The following KIAA0513 variants were observed in gnomAD, a reference collection of about 807,000 sequenced individuals.
KIAA0513 encodes the protein KIAA0513.
KIAA0513 carries 39 observed loss-of-function variants against 56.5 expected under a neutral mutation model. The observed-to-expected ratio is 0.69, with a 90% CI of 0.53 to 0.90. KIAA0513 has a LOEUF of 0.90. KIAA0513 is among the 40% of genes least tolerant of loss of function. KIAA0513 has a pLI of 0.00. For synonymous variants in KIAA0513, 268 were observed against 215.6 expected, an observed-to-expected ratio of 1.24 and a Z score of -2.13; for missense variants, 591 against 535.2, an observed-to-expected ratio of 1.10 and a Z score of -1.03.
Position 85,076,425 on chromosome 16 carries a change from C to G in KIAA0513, c.574+511C>G, listed in dbSNP as rs3794680. ...CTAGGACATCTCTTCCGCCTCATTG[C>G]GTTGGCACTTTCTCGTATGTTGGAG... On this transcript the variant is annotated intron_variant, in intron 5 of 12. Coordinates refer to ENST00000683363, the MANE Select transcript of KIAA0513 (RefSeq NM_001388359.1). The surrounding 1 kb of genome is among the most constrained non-coding windows in gnomAD (Gnocchi z 4.7). Among the ~76,000 whole-genome samples the G allele has an allele frequency of 0.065, 9,888 of 152,118 alleles. 495 individuals are homozygous for G. Among genetic ancestry groups the G allele is most frequent in the East Asian group, 0.23 (1,204 of 5,148 alleles).
rs118000206 is a variant in KIAA0513 at position 85,036,467 on chromosome 16, T to A, written c.-173+8609T>A. On this transcript the variant is annotated intron_variant, in intron 1 of 12. Coordinates refer to ENST00000683363, the MANE Select transcript of KIAA0513 (RefSeq NM_001388359.1). ...GTAACTAGATTCATTTTTAGTTCAT[T>A]GCTATTGTAGCACGTGTCCATCCTT... 5.4e-4 allele frequency among the ~76,000 whole-genome samples: 83 copies of A among 152,320 alleles called. 2 individuals carry two copies. The East Asian group carries it at 0.014, about 26-fold the overall frequency.
At chr16:85,063,204 G>A (rs1038333942) in intron 1 of KIAA0513, 2 of 152,230 alleles carry the variant, frequency 1.3e-5, no homozygotes, top group African/African-American at 4.8e-5. Context: ...GAGAGCATCT[G>A]AACGGCCCAA....
Position 85,066,935 on chromosome 16 carries a change from C to G in KIAA0513, c.-137C>G, listed in dbSNP as rs367586528. ...GCCAGGTGAGCTGCTGTGAAGGACT[C>G]ATTCTTGGTAGCCGGCAGTTACTGG... On this transcript the variant is annotated 5_prime_UTR_variant, in exon 2 of 13. Coordinates refer to ENST00000683363, the MANE Select transcript of KIAA0513 (RefSeq NM_001388359.1). 1.5e-6 allele frequency: 1 copy of G among 649,626 alleles called. No homozygotes were observed. The highest frequency in any genetic ancestry group is 3.1e-5 in the Admixed American group (1 of 32,600). The allele number at this position is 649,626 out of a possible 1,614,324, so 40.2% of individuals were successfully genotyped here.
In KIAA0513 at chr16:85,094,003, A is replaced by T. The variant is rs894954216; in HGVS notation, c.*5678A>T. On this transcript the variant is annotated 3_prime_UTR_variant, in exon 13 of 13. Coordinates refer to ENST00000683363, the MANE Select transcript of KIAA0513 (RefSeq NM_001388359.1). ...GACATTACCTTGTTGGTAGCCCCCA[A>T]GTGGCGTGCAGTGACACCAGTATCT... The T allele has an allele frequency of 6.6e-6, 1 of 152,158 alleles. No homozygotes were observed. The highest frequency in any genetic ancestry group is 1.5e-5 in the Non-Finnish European group (1 of 68,032). The allele number at this position is 152,158 out of a possible 1,614,324, so 9.4% of individuals were successfully genotyped here.
rs1346932850 is a variant in KIAA0513 at position 85,090,566 on chromosome 16, G to C, written c.*2241G>C. 6.6e-6 allele frequency: 1 copy of C among 152,166 alleles called. No homozygotes were observed. Among genetic ancestry groups the C allele is most frequent in the African/African-American group, 2.4e-5 (1 of 41,428 alleles). The allele number at this position is 152,166 out of a possible 1,614,324, so 9.4% of individuals were successfully genotyped here. ...GTCTTGACACTTTTTTCTCCACATAGACTCTTGAAATAGCCATTTCAGGGG... is the reference window on the plus strand; with the variant it reads ...GTCTTGACACTTTTTTCTCCACATACACTCTTGAAATAGCCATTTCAGGGG... On this transcript the variant is annotated 3_prime_UTR_variant, in exon 13 of 13. Transcript: ENST00000683363.
intron 5 of KIAA0513, 32 bp downstream of exon 5, chr16:85,075,946 C>G: frequency 2.0e-6 from 3 of 1,522,834 alleles, no homozygotes; most frequent in Non-Finnish European, 2.7e-6. Context: ...GTGGGGCTCA[C>G]CTGAGGCTAG....
intron 10 of KIAA0513, among the ~76,000 whole-genome samples, chr16:85,085,258 T>A (rs1334523501): frequency 1.3e-5 from 2 of 152,246 alleles, no homozygotes; most frequent in Non-Finnish European, 2.9e-5. Context: ...CATCCTGCCA[T>A]CGGCACGAGG....
chr16:85,061,876 C>T (rs574997301), intron 1 of KIAA0513, among the ~76,000 whole-genome samples: 2 of 152,256 alleles, frequency 1.3e-5, no homozygotes, highest in East Asian at 3.9e-4. Context: ...GAATACAGAC[C>T]GCTGTGGCCT....
chr16:85,037,259 A>C (rs2073047700), intron 1 of KIAA0513, among the ~76,000 whole-genome samples: 1 of 152,114 alleles, frequency 6.6e-6, no homozygotes, highest in South Asian at 2.1e-4. Context: ...AAAGTGACCA[A>C]TGAGCTAGGG....
chr16:85,075,784 G>A (rs2073647384), intron 4 of KIAA0513, 60 bp from the exon 5 acceptor site: 21 of 1,488,730 alleles, frequency 1.4e-5, no homozygotes, highest in South Asian at 1.2e-4. Flanking sequence ...ATGTCTGACC[G>A]ACTTGCAGGA....
intron 7 of KIAA0513, 149 bp downstream of exon 7, chr16:85,078,604 G>A (rs768568932): frequency 8.8e-5 from 66 of 747,240 alleles, no homozygotes; most frequent in Middle Eastern, 3.6e-4. Context: ...CCCAGCTCCC[G>A]TGGTTGTATT....
At chr16:85,039,491 A>G (rs2073077806) in intron 1 of KIAA0513, among the ~76,000 whole-genome samples, 2 of 151,904 alleles carry the variant, frequency 1.3e-5, no homozygotes, top group Non-Finnish European at 2.9e-5. Flanking sequence ...TTTTGTAGAG[A>G]TGGGGTTTTG....
intron 10 of KIAA0513, among the ~76,000 whole-genome samples, chr16:85,085,759 C>T (rs1259276212): frequency 6.6e-6 from 1 of 152,224 alleles, no homozygotes; most frequent in Non-Finnish European, 1.5e-5. Flanking sequence ...GTCTAAAGCA[C>T]GCAGCAGGTG....
intron 1 of KIAA0513, among the ~76,000 whole-genome samples, chr16:85,060,779 G>A (rs1277269606): frequency 3.3e-5 from 5 of 151,814 alleles, no homozygotes; most frequent in South Asian, 2.1e-4. Flanking sequence ...AGGAGGTCAA[G>A]GCTGCAGTGA....
chr16:85,048,180 G>A (rs1389428190), intron 1 of KIAA0513, among the ~76,000 whole-genome samples: 4 of 152,184 alleles, frequency 2.6e-5, no homozygotes, highest in South Asian at 2.1e-4. Context: ...TGGGCCTCTG[G>A]AGCCCATCCC....
chr16:85,033,840 G>A (rs900769670), intron 1 of KIAA0513, among the ~76,000 whole-genome samples: 16 of 152,138 alleles, frequency 1.1e-4, no homozygotes, highest in African/African-American at 3.6e-4. Flanking sequence ...AAATTCAAAT[G>A]ATACAGAAAG....
chr16:85,051,450 G>C (rs1459889294), intron 1 of KIAA0513, among the ~76,000 whole-genome samples: 1 of 152,124 alleles, frequency 6.6e-6, no homozygotes, highest in Non-Finnish European at 1.5e-5. Flanking sequence ...AGGTTCAATG[G>C]CCTCTCCCTG....
chr16:85,072,444 A>G (rs2073591461), intron 3 of KIAA0513, among the ~76,000 whole-genome samples: 1 of 152,194 alleles, frequency 6.6e-6, no homozygotes, highest in Non-Finnish European at 1.5e-5. Flanking sequence ...AAAGTTTAGA[A>G]AAGAATTAAA....
rs1424841015 is a variant in KIAA0513, at chr16:85,034,923, C to G, written c.-173+7065C>G. ...TCTTTGCCTCTCCCCTGTGCTGCCT[C>G]TCCTGAGAAAGTGCAGGTCACCTTT... On this transcript the variant is annotated intron_variant, in intron 1 of 12. Transcript: ENST00000683363. Among the ~76,000 whole-genome samples, 3 of 152,218 alleles carry G rather than the reference C, an allele frequency of 2.0e-5. No individual in the cohort carries two copies. The East Asian group carries it at 5.8e-4, about 29-fold the overall frequency.
Sources: allele counts gnomAD v4.1 joint callset (sites outside exome capture counted in the v4.1 genomes callset), GRCh38; gene constraint gnomAD v4.1.1; non-coding constraint Gnocchi (gnomAD v3.1); transcripts MANE v1.5; gene names NCBI Gene and HGNC (gene_info 2026-07-23, HGNC 2026-07-21).